SH2D3C: variants seen among roughly 807,000 people sequenced by gnomAD.
The protein encoded by SH2D3C is SH2 domain containing 3C.
SH2D3C carries 25 observed loss-of-function variants against 75.2 expected under a neutral mutation model. The ratio of observed to expected loss-of-function variants is 0.33; its 90% CI spans 0.24 to 0.46. The LOEUF is 0.46. SH2D3C is among the 20% of genes least tolerant of loss of function. The pLI is 1.00. For missense variants in SH2D3C, 933 were observed against 1,165.3 expected (o/e 0.80, Z 2.90); for synonymous variants, 450 against 473.7 (o/e 0.95, Z 0.65).
Position 127,754,832 on chromosome 9 carries a change from G to T in SH2D3C, c.556-3532C>A, listed in dbSNP as rs1318244748. ...TCCCTCCTGCGGAGGAGGCAGAAAC[G>T]GACCGGCATCTACCGCAGCCCAGAG... On this transcript the variant is annotated intron_variant, in intron 3 of 11. Transcript: ENST00000314830. The surrounding 1 kb of genome is among the most constrained non-coding windows in gnomAD (Gnocchi z 4.4). 2.0e-6 allele frequency: 1 copy of T among 491,106 alleles called. No homozygotes were observed. The highest frequency in any genetic ancestry group is 2.3e-5 in the Admixed American group (1 of 43,126). The allele number at this position is 491,106 out of a possible 1,614,324, so 30.4% of individuals were successfully genotyped here.
chr9:127,759,426 G>T (rs1845472639), intron 3 of SH2D3C, among the ~76,000 whole-genome samples: 1 of 152,270 alleles, frequency 6.6e-6, no homozygotes, highest in South Asian at 2.1e-4. Flanking sequence ...ATGTTGGCCA[G>T]GCTGGCCTCG....
rs1845120436 is a variant in SH2D3C, at chr9:127,749,180, A to G, written c.1139+31T>C. The G allele has an allele frequency of 6.8e-7, 1 of 1,474,162 alleles. No homozygotes were observed. The highest frequency in any genetic ancestry group is 9.2e-7 in the Non-Finnish European group (1 of 1,091,468). 91.3% of individuals were successfully genotyped at this position (1,474,162 alleles called of 1,614,324 possible). On this transcript the variant is annotated intron_variant, in intron 5 of 11. Coordinates refer to ENST00000314830, the MANE Select transcript of SH2D3C (RefSeq NM_170600.3). The surrounding 1 kb of genome is among the most constrained non-coding windows in gnomAD (Gnocchi z 5.9). ...CTCACTAGCCCTCTCATTACCCACA[A>G]CCCCATTTGACAAATGGGGCCCTGG...
rs1844864649 is a variant in SH2D3C, at chr9:127,741,805, C to CT, written c.2070_2071insA (p.Ala691SerfsTer66). The CT allele has an allele frequency of 4.3e-6, 7 of 1,613,002 alleles. No individual in the cohort carries two copies. The highest frequency in any genetic ancestry group is 1.3e-5 in the African/African-American group (1 of 74,944). ...CTCAGTACCTGGGCCATGTCCAGGGCACCCATGACCGCCGCGAAGCTGAAC... is the reference window on the plus strand; with the variant it reads ...CTCAGTACCTGGGCCATGTCCAGGGCTACCCATGACCGCCGCGAAGCTGAAC... On this transcript the variant is annotated frameshift_variant, in exon 9 of 12. Coordinates refer to ENST00000314830, the MANE Select transcript of SH2D3C (RefSeq NM_170600.3). LOFTEE classifies it high-confidence loss of function.
At chr9:127,752,133 T>C (rs2131762927) in intron 3 of SH2D3C, among the ~76,000 whole-genome samples, 1 of 152,146 alleles carries the variant, frequency 6.6e-6, no homozygotes. Flanking sequence ...TACTGTGGCC[T>C]GAAGTTGGAG....
intron 3 of SH2D3C, among the ~76,000 whole-genome samples, chr9:127,757,272 ATT>A (rs60217641): frequency 6.2e-4 from 86 of 138,602 alleles, no homozygotes; most frequent in East Asian, 1.0e-3. Context: ...CCCTCATTTG[ATT>A]TTTTTTTTTT....
intron 1 of SH2D3C, among the ~76,000 whole-genome samples, chr9:127,777,757 G>A (rs558960877): frequency 2.0e-5 from 3 of 152,248 alleles, no homozygotes; most frequent in South Asian, 2.1e-4. Context: ...GATGGAGAAC[G>A]AAGTCAGTCA....
chr9:127,763,933 T>A (rs1477397058), intron 2 of SH2D3C, among the ~76,000 whole-genome samples: 2 of 152,090 alleles, frequency 1.3e-5, no homozygotes, highest in East Asian at 3.9e-4. Flanking sequence ...GTTCTCTCTG[T>A]CCAGCAGCAG....
intron 3 of SH2D3C, among the ~76,000 whole-genome samples, chr9:127,752,002 C>T (rs146104534): frequency 4.5e-4 from 69 of 152,272 alleles, no homozygotes; most frequent in African/African-American, 1.5e-3. Flanking sequence ...CCTTGAAATC[C>T]TCAGCAATCC....
chr9:127,759,997 AT>A (rs1160485141), intron 3 of SH2D3C, among the ~76,000 whole-genome samples: 142 of 147,716 alleles, frequency 9.6e-4, no homozygotes, highest in Admixed American at 3.2e-3. Context: ...AAAAAAAAAA[AT>A]TTTTTTTTTT....
intron 2 of SH2D3C, among the ~76,000 whole-genome samples, chr9:127,764,957 C>T (rs901356029): frequency 3.3e-5 from 5 of 152,144 alleles, no homozygotes; most frequent in African/African-American, 1.2e-4. Context: ...GATCTGCCTG[C>T]CTCAGCCTCC....
intron 3 of SH2D3C, among the ~76,000 whole-genome samples, chr9:127,756,125 C>A (rs1315569603): frequency 2.6e-5 from 4 of 152,094 alleles, no homozygotes; most frequent in Admixed American, 2.6e-4. Context: ...CATGGTGAAA[C>A]CCTGTCTCTA....
intron 1 of SH2D3C, among the ~76,000 whole-genome samples, chr9:127,775,703 G>C (rs749404025): frequency 2.0e-5 from 3 of 152,036 alleles, no homozygotes; most frequent in Admixed American, 2.0e-4. Context: ...CCAGCTACTT[G>C]GGAGGCTGAG....
chr9:127,747,586 T>C (rs957593615), intron 5 of SH2D3C, among the ~76,000 whole-genome samples: 5 of 151,926 alleles, frequency 3.3e-5, no homozygotes, highest in Non-Finnish European at 5.9e-5. Context: ...CAGACTGCAG[T>C]GCAGTGGCGT....
At chr9:127,767,418 T>C in intron 2 of SH2D3C, 2 of 976,070 alleles carry the variant, frequency 2.0e-6, no homozygotes, top group Non-Finnish European at 2.9e-6. Flanking sequence ...TAGAACCAGA[T>C]GGCCTGATGT....
chr9:127,740,583 G>A (rs1406549225), intron 9 of SH2D3C, among the ~76,000 whole-genome samples: 1 of 152,248 alleles, frequency 6.6e-6, no homozygotes, highest in Non-Finnish European at 1.5e-5. Flanking sequence ...AGACAGGAAT[G>A]ACTTGCCCAA....
intron 6 of SH2D3C, among the ~76,000 whole-genome samples, chr9:127,746,861 C>G (rs1312853862): frequency 6.6e-6 from 1 of 152,168 alleles, no homozygotes. Context: ...TCGCTTGAAC[C>G]CAGGAGGCGG....
intron 1 of SH2D3C, among the ~76,000 whole-genome samples, chr9:127,777,810 C>T (rs922436075): frequency 6.6e-6 from 1 of 152,034 alleles, no homozygotes; most frequent in African/African-American, 2.4e-5. Flanking sequence ...CAGAAAGCCA[C>T]GGGATGCCCA....
chr9:127,745,521 T>G (rs1235376329), intron 6 of SH2D3C, among the ~76,000 whole-genome samples: 1 of 140,914 alleles, frequency 7.1e-6, no homozygotes, highest in Non-Finnish European at 1.5e-5. Flanking sequence ...TGGAGTGCAG[T>G]GGTGCCATCT....
At chr9:127,762,352 G>A (rs773256499) in intron 2 of SH2D3C, 2 of 1,302,094 alleles carry the variant, frequency 1.5e-6, no homozygotes, top group South Asian at 2.5e-5. Flanking sequence ...CAGGCAGCCT[G>A]GACCTGCCCC....
Sources: allele counts gnomAD v4.1 joint callset (sites outside exome capture counted in the v4.1 genomes callset), GRCh38; gene constraint gnomAD v4.1.1; non-coding constraint Gnocchi (gnomAD v3.1); transcripts MANE v1.5; gene names NCBI Gene and HGNC (gene_info 2026-07-23, HGNC 2026-07-21).